The following TRPM1 variants were observed in gnomAD, a reference collection of about 807,000 sequenced individuals.
TRPM1 encodes TRPM1-203 APA Isoform, Intron 10.
In TRPM1, 113 loss-of-function variants were observed where a neutral mutation model predicts 149.4. The ratio of observed to expected loss-of-function variants is 0.76; its 90% CI spans 0.65 to 0.88. The LOEUF (loss-of-function observed/expected upper bound fraction) is 0.88. Among genes scored for constraint, TRPM1 ranks in the 40% least tolerant of loss-of-function variants. The probability of loss-of-function intolerance (pLI) is 0.00; values close to 1 mark genes in which losing one functional copy is unlikely to be tolerated. For synonymous variants in TRPM1, 741 were observed against 759.5 expected (o/e 0.98, Z 0.40); for missense variants, 1,976 against 2,038.7 (o/e 0.97, Z 0.59).
At chr15:31,046,978 G>A in intron 15 of TRPM1, 133 bp downstream of exon 15, 3 of 1,271,598 alleles carry the variant, frequency 2.4e-6, no homozygotes, top group South Asian at 1.2e-5. Context: ...TGAGAGCACT[G>A]TAGGAGGCAG....
rs972788664 is a variant in TRPM1, at chr15:31,040,012, G to A, written c.2316+106C>T. 2.0e-6 allele frequency: 2 copies of A among 979,776 alleles called. No homozygotes were observed. Among genetic ancestry groups the A allele is most frequent in the African/African-American group, 1.6e-5 (1 of 62,338 alleles). The allele number at this position is 979,776 out of a possible 1,614,324, so 60.7% of individuals were successfully genotyped here. A position where few individuals can be genotyped will look rare whatever the true frequency, so the allele number is the denominator to read the frequency against. ...GTCATGGCGTCTCCCTCAGGGGGTTGCTAGAAGGAATAAATGAAATAAGCC... is the reference window on the plus strand; with the variant it reads ...GTCATGGCGTCTCCCTCAGGGGGTTACTAGAAGGAATAAATGAAATAAGCC... On this transcript the variant is annotated intron_variant, in intron 18 of 27. Coordinates refer to ENST00000256552, the MANE Select transcript of TRPM1 (RefSeq NM_001252024.2). The surrounding 1 kb of genome is among the most constrained non-coding windows in gnomAD (Gnocchi z 4.2).
rs192647561 is a variant in TRPM1, at chr15:31,145,868, G to T, written c.54+15038C>A. Reference sequence around the variant, plus strand: ...TACCTGGGCCACATTGGAAGAAGAAGAATTGTCTTGCACCACATGTAAAAT... The same window carrying T: ...TACCTGGGCCACATTGGAAGAAGAATAATTGTCTTGCACCACATGTAAAAT... On this transcript the variant is annotated intron_variant, in intron 1 of 26. Coordinates refer to the TRPM1 transcript ENST00000542188. Among the ~76,000 whole-genome samples the T allele has an allele frequency of 2.0e-5, 3 of 148,920 alleles. No homozygotes were observed. In the East Asian group the frequency reaches 5.8e-4, roughly 29 times the overall value.
intron 4 of TRPM1, 22 bp downstream of exon 4, chr15:31,070,009 C>T (rs1290711136): frequency 1.2e-6 from 2 of 1,614,102 alleles, no homozygotes; most frequent in Non-Finnish European, 1.7e-6. Context: ...CTAGTGGCAC[C>T]ATGTCTGAAT....
At chr15:31,088,840 A>T (rs927059232) in intron 1 of TRPM1, among the ~76,000 whole-genome samples, 2 of 149,032 alleles carry the variant, frequency 1.3e-5, no homozygotes, top group African/African-American at 5.0e-5. Context: ...TACCGGGGCG[A>T]TGCGATAAGC....
At chr15:31,066,029 G>A (rs2034364547) in intron 7 of TRPM1, 47 bp downstream of exon 7, 1 of 1,596,294 alleles carries the variant, frequency 6.3e-7, no homozygotes. Flanking sequence ...TGTTTCCACT[G>A]TGATGGCATC....
chr15:31,076,838 C>G (rs763155017), intron 3 of TRPM1, 67 bp downstream of exon 3: 44 of 1,288,718 alleles, frequency 3.4e-5, no homozygotes, highest in Non-Finnish European at 4.9e-5. Flanking sequence ...CTGCCTCTTA[C>G]AAACATGAGA....
chr15:31,001,648 A>T lies in TRPM1; in HGVS notation c.*174T>A. 1.5e-6 allele frequency: 1 copy of T among 668,104 alleles called. No individual in the cohort carries two copies. 41.4% of individuals were successfully genotyped at this position (668,104 alleles called of 1,614,324 possible). The stretch of plus-strand genomic sequence containing the variant: ...TACTGCAACTGAAAAAACTAAGCCT[A>T]CTAACATATGCTAACAAAATACTAC... On this transcript the variant is annotated 3_prime_UTR_variant, in exon 28 of 28. Coordinates refer to ENST00000256552, the MANE Select transcript of TRPM1 (RefSeq NM_001252024.2).
At position 31,113,176 on chromosome 15, in the gene TRPM1, G is replaced by A. The variant is rs529763821; in HGVS notation, c.55-36192C>T. ...AATCACCCCCTTCAAAACTCACCACGGCCCACCTTCTCCAGCTGGTGAATG... is the reference window on the plus strand; with the variant it reads ...AATCACCCCCTTCAAAACTCACCACAGCCCACCTTCTCCAGCTGGTGAATG... On this transcript the variant is annotated intron_variant, in intron 1 of 26. Coordinates refer to the TRPM1 transcript ENST00000542188. Among the ~76,000 whole-genome samples the A allele has an allele frequency of 5.9e-4, 89 of 152,122 alleles. 3 individuals carry two copies. In the South Asian group the frequency reaches 0.016, roughly 27 times the overall value.
At chr15:31,128,662 A>G (rs2035981288) in intron 1 of TRPM1, among the ~76,000 whole-genome samples, 1 of 152,216 alleles carries the variant, frequency 6.6e-6, no homozygotes, top group African/African-American at 2.4e-5. Flanking sequence ...ATAGGCAGAC[A>G]TGCAGAGGCA....
chr15:31,134,018 G>A (rs2141045736), intron 1 of TRPM1, among the ~76,000 whole-genome samples: 1 of 152,260 alleles, frequency 6.6e-6, no homozygotes, highest in East Asian at 1.9e-4. Context: ...CGGCCCTCTG[G>A]GAAGAGGATG....
At chr15:31,029,948 C>A (rs996788367) in intron 23 of TRPM1, among the ~76,000 whole-genome samples, 3 of 152,016 alleles carry the variant, frequency 2.0e-5, no homozygotes, top group Non-Finnish European at 2.9e-5. Flanking sequence ...AATTCAGGAA[C>A]TTTTAACGTG....
At chr15:31,097,570 T>A (rs2035418534) in intron 1 of TRPM1, among the ~76,000 whole-genome samples, 1 of 152,228 alleles carries the variant, frequency 6.6e-6, no homozygotes, top group Non-Finnish European at 1.5e-5. Flanking sequence ...TCCACTTTTT[T>A]GTTAGTCTAC....
intron 4 of TRPM1, 101 bp from the exon 5 acceptor site, chr15:31,068,193 C>T (rs1596035358): frequency 9.4e-7 from 1 of 1,066,908 alleles, no homozygotes; most frequent in South Asian, 1.3e-5. Context: ...AACTGCCTGG[C>T]TTGTCTCTTC....
intron 16 of TRPM1, among the ~76,000 whole-genome samples, chr15:31,045,383 GTGAGGGAACTTTAGT>G (rs1442463079): frequency 3.9e-5 from 6 of 152,114 alleles, no homozygotes; most frequent in Non-Finnish European, 7.4e-5. Context: ...TTGTCCTATT[GTGAGGGAACTTTAGT>G]TGATTTTCCT....
chr15:31,064,028 G>T (rs2034305102), intron 7 of TRPM1, among the ~76,000 whole-genome samples: 2 of 152,222 alleles, frequency 1.3e-5, no homozygotes, highest in African/African-American at 4.8e-5. Flanking sequence ...ACCAGCCAGG[G>T]AAATTGCAGT....
In TRPM1 at chr15:31,001,171, G is replaced by A. The variant is rs184781100; in HGVS notation, c.*651C>T. 1 of 152,166 alleles carries A rather than the reference G, an allele frequency of 6.6e-6. No individual in the cohort carries two copies. Among genetic ancestry groups the A allele is most frequent in the Admixed American group, 6.5e-5 (1 of 15,286 alleles). The allele number at this position is 152,166 out of a possible 1,614,324, so 9.4% of individuals were successfully genotyped here. ...TGTGTACTTTTTTTCCCATTGTGTA[G>A]TTTAAAATAAAACATTAAAACAGAA... On this transcript the variant is annotated 3_prime_UTR_variant, in exon 28 of 28. Transcript: ENST00000256552.
In TRPM1 at chr15:31,063,145, A is replaced by T; in HGVS notation, c.938T>A (p.Phe313Tyr). 2.5e-6 allele frequency: 4 copies of T among 1,614,228 alleles called. No individual in the cohort carries two copies. Among genetic ancestry groups the T allele is most frequent in the Non-Finnish European group, 2.5e-6 (3 of 1,180,040 alleles). ...GSGRASDILS[F>Y]AHKYCEEGGI... The stretch of plus-strand genomic sequence containing the variant: ...GCCTTCTTCACAGTACTTGTGCGCA[A>T]AGGACAGGATGTCCGAGGCACGTCC... Residue 313 changes from phenylalanine to tyrosine, a missense_variant, in exon 8 of 28, where the codon TTT becomes TAT. Phe to Tyr is a conservative substitution (Grantham distance 22). Coordinates refer to ENST00000256552, the MANE Select transcript of TRPM1 (RefSeq NM_001252024.2).
chr15:31,094,737 C>T (rs1162753526), intron 1 of TRPM1, among the ~76,000 whole-genome samples: 1 of 152,136 alleles, frequency 6.6e-6, no homozygotes, highest in Non-Finnish European at 1.5e-5. Context: ...CCAGTGTTTG[C>T]AAGGATGTGG....
At chr15:31,017,511 T>G (rs1595980587) in intron 27 of TRPM1, among the ~76,000 whole-genome samples, 1 of 152,204 alleles carries the variant, frequency 6.6e-6, no homozygotes, top group South Asian at 2.1e-4. Context: ...CCCCTCTTTA[T>G]TGTACTTCTG....
Sources: gnomAD v4.1 joint callset for allele counts (sites outside exome capture counted in the v4.1 genomes callset) on GRCh38, gnomAD v4.1.1 for gene constraint, Gnocchi (gnomAD v3.1) non-coding constraint, MANE v1.5 for transcripts, NCBI Gene and HGNC (gene_info 2026-07-23, HGNC 2026-07-21) for gene names.